Variants in NDRG2 observed in about 807,000 individuals in gnomAD.
NDRG2 encodes the protein NDRG family member 2.
A neutral mutation model predicts 58.2 loss-of-function variants in NDRG2; 34 were observed. That is an observed-to-expected ratio of 0.58 (90% CI 0.44 to 0.78). The LOEUF is 0.78. NDRG2 is among the 30% of genes least tolerant of loss of function. NDRG2 has a pLI of 0.00. For synonymous variants in NDRG2, 187 were observed against 175.9 expected, an observed-to-expected ratio of 1.06 and a Z score of -0.50; for missense variants, 434 against 471.2, an observed-to-expected ratio of 0.92 and a Z score of 0.73.
intron 1 of NDRG2, among the ~76,000 whole-genome samples, chr14:21,039,960 G>A (rs533905315): frequency 5.6e-4 from 85 of 152,294 alleles, no homozygotes; most frequent in African/African-American, 1.9e-3. Flanking sequence ...AAGTAGAAAG[G>A]AGACCAAGCT....
rs917360043 is a variant in NDRG2, at chr14:21,069,723, C to CG, written c.24+1104dup. Among the ~76,000 whole-genome samples the CG allele has an allele frequency of 3.3e-5, 5 of 152,056 alleles. No homozygotes were observed. The South Asian group carries it at 6.2e-4, about 19-fold the overall frequency. On this transcript the variant is annotated intron_variant, in intron 1 of 14. Transcript: ENST00000403829. Reference sequence around the variant, plus strand: ...AGGGAAAGGAGGGCGGGCAAGCCCCCGGGGGGTTGGGGAATCCCCTGATTT... The same window carrying CG: ...AGGGAAAGGAGGGCGGGCAAGCCCCCGGGGGGGTTGGGGAATCCCCTGATTT...
At chr14:21,032,609 G>A (rs1240870713) in intron 1 of NDRG2, 3 of 344,018 alleles carry the variant, frequency 8.7e-6, no homozygotes, top group Non-Finnish European at 1.7e-5. Flanking sequence ...TTCCAGAGCT[G>A]GGGTAAGGGG....
intron 1 of NDRG2, among the ~76,000 whole-genome samples, chr14:21,051,155 C>T (rs144219124): frequency 2.1e-3 from 321 of 152,324 alleles, no homozygotes; most frequent in Non-Finnish European, 3.7e-3. Context: ...AGTACACTGG[C>T]TCTAATGTTT....
In NDRG2 at chr14:21,019,122, G is replaced by A. The variant is rs1878609372; in HGVS notation, c.755C>T (p.Thr252Ile). The stretch of plus-strand genomic sequence containing the variant: ...TTATCTCTTAAAGTCTTACCTGAGG[G>A]TGATATCACCTCCACGCTCAAAGTT... ...DLNFERGGDI[T>I]LRCPVMLVVG... is the part of the protein sequence containing the mutation. Residue 252 changes from threonine (T) to isoleucine (I), a missense_variant, in exon 11 of 16, where the codon ACC (threonine) becomes ATC (isoleucine). Coordinates refer to ENST00000556147, the MANE Select transcript of NDRG2 (RefSeq NM_001320329.2). 1 of 1,610,766 alleles carries A rather than the reference G, an allele frequency of 6.2e-7. No homozygotes were observed. The highest frequency in any genetic ancestry group is 1.3e-5 in the African/African-American group (1 of 74,582).
At chr14:21,064,648 T>C (rs765871623) in intron 1 of NDRG2, among the ~76,000 whole-genome samples, 2 of 152,212 alleles carry the variant, frequency 1.3e-5, no homozygotes, top group Admixed American at 1.3e-4. Flanking sequence ...ATTATACTTA[T>C]GCGTGGAAAT....
At chr14:21,031,585 G>A (rs542599115) in intron 1 of NDRG2, among the ~76,000 whole-genome samples, 45 of 152,162 alleles carry the variant, frequency 3.0e-4, no homozygotes, top group African/African-American at 1.1e-3. Flanking sequence ...ATATTGAGTC[G>A]GGGAGTGGGA....
rs370622228 is a variant in NDRG2 at position 21,022,922 on chromosome 14, G to C, written c.76-17C>G. On this transcript the variant is annotated splice_polypyrimidine_tract_variant and intron_variant, in intron 2 of 15. Coordinates refer to ENST00000556147, the MANE Select transcript of NDRG2 (RefSeq NM_001320329.2). Reference sequence around the variant, plus strand: ...CTCAGCCTCCTGGAGAGACACACACGGATTCACACAGAAACACATGACCAT... The same window carrying C: ...CTCAGCCTCCTGGAGAGACACACACCGATTCACACAGAAACACATGACCAT... 6.2e-7 allele frequency: 1 copy of C among 1,613,848 alleles called. No homozygotes were observed. Among genetic ancestry groups the C allele is most frequent in the Non-Finnish European group, 8.5e-7 (1 of 1,179,922 alleles).
At chr14:21,057,752 G>A (rs1885743428) in intron 1 of NDRG2, 2 of 706,596 alleles carry the variant, frequency 2.8e-6, no homozygotes, top group East Asian at 2.7e-5. Context: ...TGCCAGGGGT[G>A]TTCAATATCT....
chr14:21,070,265 G>T lies in NDRG2; in HGVS notation c.24+563C>A, dbSNP rs955576945. On this transcript the variant is annotated intron_variant, in intron 1 of 14. Coordinates refer to the NDRG2 transcript ENST00000403829. This position sits in a 1 kb window ranked among gnomAD's most constrained non-coding sequence, Gnocchi z 4.7. Reference sequence around the variant, plus strand: ...GGCCCCGCGGCCTGGAAGCCGGAGCGGGCCGAGCCGCCACCGCGGCCGGAG... The same window carrying T: ...GGCCCCGCGGCCTGGAAGCCGGAGCTGGCCGAGCCGCCACCGCGGCCGGAG... The T allele has an allele frequency of 6.0e-6, 6 of 1,001,648 alleles. No individual in the cohort carries two copies. The African/African-American group carries it at 6.8e-5, about 11-fold the overall frequency. 62.0% of individuals were successfully genotyped at this position (1,001,648 alleles called of 1,614,324 possible). A position where few individuals can be genotyped will look rare whatever the true frequency, so the allele number is the denominator to read the frequency against.
At chr14:21,033,920 G>C in intron 1 of NDRG2, 1 of 1,614,024 alleles carries the variant, frequency 6.2e-7, no homozygotes, top group Non-Finnish European at 8.5e-7. Context: ...TATTGTAGTA[G>C]CAGCTAGTGG....
intron 1 of NDRG2, among the ~76,000 whole-genome samples, chr14:21,037,124 C>CG (rs1325248570): frequency 2.0e-5 from 3 of 150,930 alleles, no homozygotes; most frequent in African/African-American, 4.9e-5. Flanking sequence ...TTCGCTCCCC[C>CG]CACCCAACAC....
intron 6 of NDRG2, chr14:21,021,053 C>T (rs1173529960): frequency 1.5e-6 from 1 of 677,492 alleles, no homozygotes; most frequent in African/African-American, 1.8e-5. Context: ...AAGTCTATCC[C>T]CAGCTTTCTG....
rs1881377457 is a variant in NDRG2, at chr14:21,022,855, C to T, written c.117+9G>A. 2 of 1,613,408 alleles carry T rather than the reference C, an allele frequency of 1.2e-6. No homozygotes were observed. The highest frequency in any genetic ancestry group is 1.7e-6 in the Non-Finnish European group (2 of 1,179,684). ...TCCTCCCACCTTGGGACTGCCCCCA[C>T]ACTGTTACCTGTCCCTGGTCCAGGA... is the stretch of plus-strand genomic sequence containing the variant. On this transcript the variant is annotated intron_variant, in intron 3 of 15. Transcript: ENST00000556147.
intron 1 of NDRG2, among the ~76,000 whole-genome samples, chr14:21,048,037 T>C (rs1266493489): frequency 2.0e-5 from 3 of 152,078 alleles, no homozygotes; most frequent in Non-Finnish European, 4.4e-5. Context: ...CCTTGAGCTA[T>C]GGCACCAAAA....
upstream of NDRG2, chr14:21,025,106 G>GC (rs1220437955): frequency 6.1e-6 from 6 of 982,340 alleles, no homozygotes; most frequent in Admixed American, 3.7e-4. This position sits in a 1 kb window ranked among gnomAD's most constrained non-coding sequence, Gnocchi z 5.1. Context: ...CCGCAGACCC[G>GC]CCCCCGGCCC....
intron 1 of NDRG2, chr14:21,031,194 C>T (rs1884093820): frequency 6.2e-7 from 1 of 1,606,986 alleles, no homozygotes; most frequent in African/African-American, 1.3e-5. Flanking sequence ...CCCCTTGACC[C>T]TACTTCCCTA....
At chr14:21,054,507 C>G (rs1885595165) in intron 1 of NDRG2, among the ~76,000 whole-genome samples, 1 of 152,188 alleles carries the variant, frequency 6.6e-6, no homozygotes, top group African/African-American at 2.4e-5. Flanking sequence ...TGACTCTTAG[C>G]CCACAAGAGG....
At position 21,033,827 on chromosome 14, in the gene NDRG2, C is replaced by T. The variant is rs199616382; in HGVS notation, c.25-10506G>A. ...GGGAGTGGCTCAGGAATTAAATTCC[C>T]GAATAGAGACCAGCGATACCTATTG... On this transcript the variant is annotated intron_variant, in intron 1 of 14. Transcript: ENST00000403829. The T allele has an allele frequency of 8.1e-6, 13 of 1,603,684 alleles. No homozygotes were observed. The highest frequency in any genetic ancestry group is 3.3e-4 in the Middle Eastern group (2 of 6,032).
chr14:21,066,275 G>A (rs764893623), intron 1 of NDRG2, among the ~76,000 whole-genome samples: 52 of 151,440 alleles, frequency 3.4e-4, no homozygotes, highest in Non-Finnish European at 6.5e-4. Context: ...GCCATTAGAC[G>A]GGGTTGATGA....
Sources: allele counts gnomAD v4.1 joint callset (sites outside exome capture counted in the v4.1 genomes callset), GRCh38; gene constraint gnomAD v4.1.1; non-coding constraint Gnocchi (gnomAD v3.1); transcripts MANE v1.5; gene names NCBI Gene and HGNC (gene_info 2026-07-23, HGNC 2026-07-21).